TSC22D2: variants seen among roughly 807,000 people sequenced by gnomAD.
The protein encoded by TSC22D2 is TSC22 domain family protein 2.
Under a neutral mutation model 50.1 loss-of-function variants are expected in TSC22D2, and 5 were observed. That is an observed-to-expected ratio of 0.10 (90% confidence interval 0.05 to 0.21). The LOEUF (loss-of-function observed/expected upper bound fraction) is 0.21, where lower values mean the gene tolerates loss of function less well. TSC22D2 is among the 10% of genes least tolerant of loss of function. TSC22D2 has a pLI of 1.00. For synonymous variants in TSC22D2, 501 were observed against 450.1 expected (o/e 1.11, Z -1.43); for missense variants, 1,003 against 1,015.5 (o/e 0.99, Z 0.17).
At chr3:150,453,317 C>T (rs549133384) in intron 1 of TSC22D2, among the ~76,000 whole-genome samples, 41 of 152,202 alleles carry the variant, frequency 2.7e-4, no homozygotes, top group Non-Finnish European at 4.7e-4. Context: ...TGATCTTTCT[C>T]ATTTTAAAAG....
chr3:150,452,035 A>G (rs532178663), intron 1 of TSC22D2, among the ~76,000 whole-genome samples: 18 of 152,086 alleles, frequency 1.2e-4, no homozygotes, highest in South Asian at 4.2e-4. Flanking sequence ...CTTTTCTTTC[A>G]TGGGTTCTCA....
At chr3:150,426,847 T>G (rs184003950) in intron 1 of TSC22D2, among the ~76,000 whole-genome samples, 26 of 152,306 alleles carry the variant, frequency 1.7e-4, no homozygotes, top group African/African-American at 4.8e-4. Flanking sequence ...CTCAAATTGT[T>G]TTCTACAGTG....
In TSC22D2 at chr3:150,410,061, G is replaced by T. The variant is rs1392592481; in HGVS notation, c.711G>T (p.Gly237=). ...TGGCCTCCATGCAGGGGGCGCACGG[G>T]CCCGAGTCGGGAACTGACAGCTCCT... ...VVVASMQGAH[G]PESGTDSSLT... Residue 237 remains glycine, a synonymous_variant, in exon 1 of 3, where the codon GGG becomes GGT. Transcript: ENST00000688009. 6.2e-7 allele frequency: 1 copy of T among 1,613,108 alleles called. No individual in the cohort carries two copies. The highest frequency in any genetic ancestry group is 8.5e-7 in the Non-Finnish European group (1 of 1,180,026).
intron 2 of TSC22D2, among the ~76,000 whole-genome samples, chr3:150,458,038 G>A (rs1409742751): frequency 2.0e-5 from 3 of 151,964 alleles, no homozygotes; most frequent in Admixed American, 1.3e-4. Flanking sequence ...ACAGCTTTCC[G>A]TTGGAATATT....
Position 150,458,356 on chromosome 3 carries a change from C to G in TSC22D2, c.2011-20C>G, listed in dbSNP as rs138887170. On this transcript the variant is annotated intron_variant, in intron 2 of 2. Transcript: ENST00000688009. ...TTTATCTTTTCACTCTTTTGACATTCCTAATTTTGTTTTTCACAGGATCTG... is the reference window on the plus strand; with the variant it reads ...TTTATCTTTTCACTCTTTTGACATTGCTAATTTTGTTTTTCACAGGATCTG... The G allele has an allele frequency of 2.4e-5, 38 of 1,603,752 alleles. No individual in the cohort carries two copies. In the East Asian group the frequency reaches 7.6e-4, roughly 32 times the overall value.
At chr3:150,456,504 G>A (rs1357280387) in intron 1 of TSC22D2, among the ~76,000 whole-genome samples, 1 of 151,754 alleles carries the variant, frequency 6.6e-6, no homozygotes, top group African/African-American at 2.4e-5. Flanking sequence ...TGAGTTTCTT[G>A]TTAACCAATC....
intron 1 of TSC22D2, among the ~76,000 whole-genome samples, chr3:150,437,780 C>T (rs1218311081): frequency 7.2e-5 from 11 of 152,012 alleles, no homozygotes; most frequent in African/African-American, 2.2e-4. Context: ...TGCACTCCAG[C>T]CTGGGCGGCA....
chr3:150,423,616 A>G (rs567555051), intron 1 of TSC22D2, among the ~76,000 whole-genome samples: 5 of 152,192 alleles, frequency 3.3e-5, no homozygotes, highest in Non-Finnish European at 7.4e-5. Flanking sequence ...AGAATTCACT[A>G]GGTCTGCATT....
rs1426601093 is a variant in TSC22D2 at position 150,460,068 on chromosome 3, TATAA to T, written c.*1436_*1439del. On this transcript the variant is annotated 3_prime_UTR_variant, in exon 3 of 3. Coordinates refer to ENST00000688009, the MANE Select transcript of TSC22D2 (RefSeq NM_001303264.2). ...ATTAAGTGTATGTCAGAAATTGATG[TATAA>T]ATATATATTTTAACATTTTCTGAAA... The T allele has an allele frequency of 2.6e-5, 4 of 152,198 alleles. No individual in the cohort carries two copies. The highest frequency in any genetic ancestry group is 2.6e-4 in the Admixed American group (4 of 15,270). The allele number at this position is 152,198 out of a possible 1,614,324, so 9.4% of individuals were successfully genotyped here. A position where few individuals can be genotyped will look rare whatever the true frequency, so the allele number is the denominator to read the frequency against.
chr3:150,436,736 A>G (rs1720558760), intron 1 of TSC22D2, among the ~76,000 whole-genome samples: 1 of 152,228 alleles, frequency 6.6e-6, no homozygotes, highest in Non-Finnish European at 1.5e-5. Context: ...TGTATGATTT[A>G]TATTGAAGTC....
chr3:150,453,390 C>T (rs2108103100), intron 1 of TSC22D2, among the ~76,000 whole-genome samples: 1 of 152,282 alleles, frequency 6.6e-6, no homozygotes, highest in African/African-American at 2.4e-5. Flanking sequence ...CTCATTGAAA[C>T]AGTATTTTTA....
chr3:150,427,379 A>T (rs931514132), intron 1 of TSC22D2, among the ~76,000 whole-genome samples: 2 of 151,986 alleles, frequency 1.3e-5, no homozygotes, highest in African/African-American at 4.8e-5. Context: ...CTAATGTGTT[A>T]TATATGTAGG....
intron 1 of TSC22D2, among the ~76,000 whole-genome samples, chr3:150,419,485 C>T (rs560501977): frequency 2.6e-5 from 4 of 151,940 alleles, no homozygotes; most frequent in African/African-American, 9.7e-5. Flanking sequence ...TATTGTATGT[C>T]CCTGGTTTCT....
At chr3:150,454,781 T>C (rs370658412) in intron 1 of TSC22D2, among the ~76,000 whole-genome samples, 14 of 152,322 alleles carry the variant, frequency 9.2e-5, no homozygotes, top group African/African-American at 3.4e-4. Flanking sequence ...AGTTGAAATA[T>C]TAACACCATT....
rs538459207 is a variant in TSC22D2, at chr3:150,418,945, T to A, written c.1958+7637T>A. 2.6e-5 allele frequency among the ~76,000 whole-genome samples: 4 copies of A among 152,162 alleles called. No homozygotes were observed. The East Asian group carries it at 7.7e-4, about 29-fold the overall frequency. On this transcript the variant is annotated intron_variant, in intron 1 of 2. Transcript: ENST00000688009. The stretch of plus-strand genomic sequence containing the variant: ...AGAATTCTTACCTAATGAAATGTGC[T>A]AAATATTTTGGTACCCCTGGCTCTA...
rs1721214797 is a variant in TSC22D2, at chr3:150,457,133, TA to T, written c.2010+10del. On this transcript the variant is annotated splice_region_variant and intron_variant, in intron 2 of 2. Transcript: ENST00000688009. ...ACAAAATAGAACAAGCAATGGTAAG[TA>T]AAAGTTTACAGTTCTCCCATTTCAT... 2.5e-6 allele frequency: 4 copies of T among 1,610,852 alleles called. No homozygotes were observed. In the East Asian group the frequency reaches 8.9e-5, roughly 36 times the overall value.
intron 1 of TSC22D2, among the ~76,000 whole-genome samples, chr3:150,437,947 T>A (rs189164800): frequency 1.3e-5 from 2 of 152,322 alleles, no homozygotes; most frequent in Admixed American, 1.3e-4. Context: ...AATCATAATT[T>A]CTGGATCATG....
chr3:150,437,913 TG>T (rs1377115567), intron 1 of TSC22D2, among the ~76,000 whole-genome samples: 1 of 152,090 alleles, frequency 6.6e-6, no homozygotes. Flanking sequence ...ACTACAAAGC[TG>T]TCTGTATCAG....
At position 150,462,631 on chromosome 3, in the gene TSC22D2, T is replaced by TC. The variant is rs1721446934; in HGVS notation, c.*3996dup. 2.2e-5 allele frequency: 2 copies of TC among 92,354 alleles called. No individual in the cohort carries two copies. The highest frequency in any genetic ancestry group is 4.7e-4 in the South Asian group (1 of 2,110). 5.7% of individuals were successfully genotyped at this position (92,354 alleles called of 1,614,324 possible). On this transcript the variant is annotated 3_prime_UTR_variant, in exon 3 of 3. Transcript: ENST00000688009. ...GTATCAGGTGCCTATTTTCTTTTTT[T>TC]CTTTTTTCTTTTTTTTTTTTTTTGA...
Sources: allele counts gnomAD v4.1 joint callset (sites outside exome capture counted in the v4.1 genomes callset), GRCh38; gene constraint gnomAD v4.1.1; transcripts MANE v1.5; gene names NCBI Gene and HGNC (gene_info 2026-07-23, HGNC 2026-07-21).